The following NCKAP5 variants were observed in gnomAD, a reference collection of about 807,000 sequenced individuals.
NCKAP5 encodes the protein NCK associated protein 5.
NCKAP5 carries 92 observed loss-of-function variants against 167.0 expected under a neutral mutation model. That is an observed-to-expected ratio of 0.55 (90% CI 0.47 to 0.66). NCKAP5 has a LOEUF of 0.66. NCKAP5 is among the 30% of genes least tolerant of loss of function. NCKAP5 has a pLI of 0.00. For missense variants in NCKAP5, 2,378 were observed against 2,315.0 expected (o/e 1.03, Z -0.56); for synonymous variants, 891 against 877.4 (o/e 1.02, Z -0.27).
chr2:133,230,279 G>C (rs1024520261), intron 4 of NCKAP5, among the ~76,000 whole-genome samples: 2 of 152,118 alleles, frequency 1.3e-5, no homozygotes, highest in African/African-American at 4.8e-5. Flanking sequence ...CTAGGATCTG[G>C]AGGCCATTTA....
intron 6 of NCKAP5, chr2:133,116,935 A>G (rs2082104078): frequency 6.6e-6 from 1 of 152,246 alleles, no homozygotes; most frequent in South Asian, 2.1e-4. Context: ...GCTCAATAAT[A>G]TTAGCTCACT....
Position 132,785,212 on chromosome 2 carries a change from C to T in NCKAP5, c.1599G>A (p.Arg533=), listed in dbSNP as rs373241699. The T allele has an allele frequency of 4.6e-5, 73 of 1,572,722 alleles. No individual in the cohort carries two copies. Among genetic ancestry groups the T allele is most frequent in the Non-Finnish European group, 5.8e-5 (67 of 1,161,742 alleles). The change falls in exon 14 of 20, where the codon AGG becomes AGA. Residue 533 remains arginine, a synonymous_variant. Transcript: ENST00000409261. ...TGGCGCAACTTGTCAGCTTTTCAGG[C>T]CTTTCCTTGGGATAAACTGAGGATG... The part of the protein sequence containing the change: ...EGTSSVYPKE[R]PEKLTSCASS...
Position 133,462,578 on chromosome 2 carries a change from G to C in NCKAP5, c.69+54880C>G, listed in dbSNP as rs1034204986. Among the ~76,000 whole-genome samples the C allele has an allele frequency of 3.9e-5, 6 of 152,244 alleles. No homozygotes were observed. In the East Asian group the frequency reaches 1.2e-3, roughly 29 times the overall value. ...ACAATCATGACCATGATTTTAGAGAGATCATCACAAGTAGATGAGAACTAG... is the reference window on the plus strand; with the variant it reads ...ACAATCATGACCATGATTTTAGAGACATCATCACAAGTAGATGAGAACTAG... On this transcript the variant is annotated intron_variant, in intron 3 of 19. Coordinates refer to ENST00000409261, the MANE Select transcript of NCKAP5 (RefSeq NM_207363.3).
At chr2:133,469,068 G>T (rs4346441) in intron 3 of NCKAP5, among the ~76,000 whole-genome samples, 14,480 of 151,712 alleles carry the variant, frequency 0.095, 796 homozygotes, top group African/African-American at 0.13. Flanking sequence ...GTTAGCTGGT[G>T]ATTTTGCTCA....
the NCKAP5 span, among the ~76,000 whole-genome samples, chr2:133,657,753 G>A: frequency 3.3e-5 from 5 of 152,254 alleles, no homozygotes; most frequent in East Asian, 1.9e-4. Flanking sequence ...CACGACCTGC[G>A]GGCGTCACGA....
rs142605692 is a variant in NCKAP5 at position 132,799,757 on chromosome 2, T to C, written c.808-3028A>G. Among the ~76,000 whole-genome samples, 4 of 152,294 alleles carry C rather than the reference T, an allele frequency of 2.6e-5. No homozygotes were observed. The East Asian group carries it at 7.7e-4, about 29-fold the overall frequency. On this transcript the variant is annotated intron_variant, in intron 11 of 19. Coordinates refer to ENST00000409261, the MANE Select transcript of NCKAP5 (RefSeq NM_207363.3). Reference sequence around the variant, plus strand: ...TTAAAAAAATAATTTAAACATTTATTATTATTTTTCAAAATTTTTAATTAT... The same window carrying C: ...TTAAAAAAATAATTTAAACATTTATCATTATTTTTCAAAATTTTTAATTAT...
chr2:132,971,190 T>C (rs1559004744), intron 7 of NCKAP5, among the ~76,000 whole-genome samples: 2 of 152,194 alleles, frequency 1.3e-5, no homozygotes, highest in Admixed American at 6.5e-5. Flanking sequence ...CACTGTAGTG[T>C]GTCCTGTGAG....
At chr2:133,564,578 C>A (rs189969583) in intron 1 of NCKAP5, among the ~76,000 whole-genome samples, 1 of 152,108 alleles carries the variant, frequency 6.6e-6, no homozygotes, top group Non-Finnish European at 1.5e-5. Flanking sequence ...AGCATCCCAA[C>A]AGAGTTTAGA....
At chr2:133,099,223 C>T (rs2081430076) in intron 6 of NCKAP5, among the ~76,000 whole-genome samples, 1 of 151,422 alleles carries the variant, frequency 6.6e-6, no homozygotes. Flanking sequence ...GAAAAAAAAG[C>T]TCTGAGCTCA....
At chr2:132,853,718 C>G (rs960000399) in intron 11 of NCKAP5, among the ~76,000 whole-genome samples, 2 of 152,148 alleles carry the variant, frequency 1.3e-5, no homozygotes, top group African/African-American at 4.8e-5. Context: ...ATAATACAAT[C>G]TCTACAGCTT....
intron 6 of NCKAP5, among the ~76,000 whole-genome samples, chr2:133,016,534 G>A (rs1304432064): frequency 6.6e-6 from 1 of 152,154 alleles, no homozygotes; most frequent in African/African-American, 2.4e-5. Context: ...ATAATACAAA[G>A]AAAATGGTCT....
chr2:133,000,238 T>A (rs1056505558), intron 6 of NCKAP5, among the ~76,000 whole-genome samples: 1 of 152,158 alleles, frequency 6.6e-6, no homozygotes, highest in African/African-American at 2.4e-5. Flanking sequence ...CTTTGAGAAA[T>A]TGTGTCGATT....
At chr2:133,580,981 C>T in the NCKAP5 span, among the ~76,000 whole-genome samples, 1 of 152,064 alleles carries the variant, frequency 6.6e-6, no homozygotes, top group South Asian at 2.1e-4. Flanking sequence ...TTCTTCCAAC[C>T]TCCTTCCTCT....
In NCKAP5 at chr2:132,766,873, G is replaced by C. The variant is rs530888108; in HGVS notation, c.5128+6943C>G. ...TGATAATAACAACTGTACATCATATGACTATTTTATTCTTTCTGTCTCTAC... is the reference window on the plus strand; with the variant it reads ...TGATAATAACAACTGTACATCATATCACTATTTTATTCTTTCTGTCTCTAC... On this transcript the variant is annotated intron_variant, in intron 16 of 19. Transcript: ENST00000409261. Among the ~76,000 whole-genome samples, 32 of 152,262 alleles carry C rather than the reference G, an allele frequency of 2.1e-4. 1 individual carries two copies. In the East Asian group the frequency reaches 5.6e-3, roughly 27 times the overall value.
chr2:133,627,647 T>C, the NCKAP5 span, among the ~76,000 whole-genome samples: 1 of 152,014 alleles, frequency 6.6e-6, no homozygotes, highest in Non-Finnish European at 1.5e-5. Context: ...GTGACGTGCA[T>C]CTGTAGTGTG....
chr2:132,978,917 T>C (rs755838072), intron 7 of NCKAP5, among the ~76,000 whole-genome samples: 5 of 152,316 alleles, frequency 3.3e-5, no homozygotes, highest in Middle Eastern at 3.4e-3. Flanking sequence ...TTAGCAGTCC[T>C]GTGTGTCAAA....
intron 6 of NCKAP5, among the ~76,000 whole-genome samples, chr2:133,016,714 T>C (rs1175499429): frequency 6.6e-6 from 1 of 152,150 alleles, no homozygotes; most frequent in African/African-American, 2.4e-5. Context: ...AAAGTTTGTG[T>C]CTGAAAGGTT....
At chr2:132,722,641 ACCACTT>A (rs1351305092) in intron 19 of NCKAP5, among the ~76,000 whole-genome samples, 1 of 151,168 alleles carries the variant, frequency 6.6e-6, no homozygotes, top group East Asian at 2.0e-4. Flanking sequence ...CCACCTACCC[ACCACTT>A]CCACTTGCAG....
chr2:132,754,097 T>G (rs1040336054), intron 16 of NCKAP5, among the ~76,000 whole-genome samples: 7 of 152,236 alleles, frequency 4.6e-5, no homozygotes, highest in Non-Finnish European at 1.0e-4. Context: ...TGTGACCTGC[T>G]GCTGCTGTCT....
Sources: allele counts gnomAD v4.1 joint callset (sites outside exome capture counted in the v4.1 genomes callset), GRCh38; gene constraint gnomAD v4.1.1; transcripts MANE v1.5; gene names NCBI Gene and HGNC (gene_info 2026-07-23, HGNC 2026-07-21).